The following USB1 variants were observed in gnomAD, a reference collection of about 807,000 sequenced individuals.
The protein encoded by USB1 is U6 snRNA phosphodiesterase 1.
Under a neutral mutation model 29.9 loss-of-function variants are expected in USB1, and 21 were observed. The ratio of observed to expected loss-of-function variants is 0.70; its 90% confidence interval spans 0.50 to 1.01. The LOEUF is 1.01. Among genes scored for constraint, USB1 ranks in the 50% least tolerant of loss-of-function variants. The pLI is 0.00. For missense variants in USB1, 330 were observed against 347.1 expected, an observed-to-expected ratio of 0.95 and a Z score of 0.39; for synonymous variants, 143 against 134.9, an observed-to-expected ratio of 1.06 and a Z score of -0.42.
chr16:58,010,879 C>T, intron 3 of USB1: 1 of 642,674 alleles, frequency 1.6e-6, no homozygotes. Flanking sequence ...CCTGTAGTTC[C>T]AAATTTTTAC....
intron 3 of USB1, chr16:58,010,767 A>G (rs1963473659): frequency 1.9e-6 from 1 of 528,314 alleles, no homozygotes. Context: ...TGAGGTCTGG[A>G]AGGGTCCCGA....
chr16:58,019,151 C>T, intron 6 of USB1, 96 bp downstream of exon 6: 1 of 1,261,358 alleles, frequency 7.9e-7, no homozygotes, highest in South Asian at 1.3e-5. Context: ...AAACCTGAAT[C>T]CCTGGGAAAC....
At chr16:58,007,868 A>G (rs181959397) in intron 2 of USB1, among the ~76,000 whole-genome samples, 2,524 of 151,968 alleles carry the variant, frequency 0.017, 83 homozygotes, top group African/African-American at 0.057. Flanking sequence ...CTGTAATCCC[A>G]GCTACTCGGG....
chr16:58,001,344 G>A (rs1963179006), upstream of USB1: 4 of 954,586 alleles, frequency 4.2e-6, no homozygotes, highest in Non-Finnish European at 6.5e-6. Flanking sequence ...TGTCCTGCCG[G>A]GTTCCGCCCC....
intron 2 of USB1, among the ~76,000 whole-genome samples, chr16:58,009,502 G>A (rs1403255354): frequency 6.6e-6 from 1 of 151,942 alleles, no homozygotes; most frequent in African/African-American, 2.4e-5. Context: ...GGCGGATCAC[G>A]AGGTCAGGAG....
intron 3 of USB1, chr16:58,012,485 CTG>C (rs1963518351): frequency 8.5e-7 from 1 of 1,175,826 alleles, no homozygotes; most frequent in Non-Finnish European, 1.2e-6. Flanking sequence ...CACAGGCAGA[CTG>C]TTCACCATCT....
chr16:58,013,008 C>T lies in USB1; in HGVS notation c.450-1265C>T, dbSNP rs1963534013. On this transcript the variant is annotated intron_variant, in intron 3 of 6. Transcript: ENST00000219281. This position sits in a 1 kb window ranked among gnomAD's most constrained non-coding sequence, Gnocchi z 4.3. The stretch of plus-strand genomic sequence containing the variant: ...ACCTGGACCCCTGGGCTGGTTCCCT[C>T]TGAGGAAAGGATCTGTGTCATGAGT... 3 of 985,768 alleles carry T rather than the reference C, an allele frequency of 3.0e-6. No individual in the cohort carries two copies. The highest frequency in any genetic ancestry group is 3.6e-6 in the Non-Finnish European group (3 of 830,202). The allele number at this position is 985,768 out of a possible 1,614,324, so 61.1% of individuals were successfully genotyped here.
chr16:58,000,947 G>C (rs1488454606), upstream of USB1, among the ~76,000 whole-genome samples: 1 of 152,154 alleles, frequency 6.6e-6, no homozygotes, highest in Admixed American at 6.5e-5. The surrounding 1 kb of genome is among the most constrained non-coding windows in gnomAD (Gnocchi z 4.5). Context: ...CCCTCGGCCC[G>C]GCTCTGCGCA....
chr16:58,012,231 C>A, intron 3 of USB1: 1 of 1,525,716 alleles, frequency 6.6e-7, no homozygotes, highest in South Asian at 1.2e-5. Context: ...GGCTGAAACT[C>A]ATCTCTCAAC....
At chr16:58,017,514 T>C in intron 5 of USB1, 75 bp downstream of exon 5, 1 of 1,402,408 alleles carries the variant, frequency 7.1e-7, no homozygotes, top group South Asian at 1.2e-5. Flanking sequence ...GAAGCCCTCG[T>C]AAGAGGCAAA....
intron 5 of USB1, 85 bp from the exon 6 acceptor site, chr16:58,018,887 A>C: frequency 7.3e-7 from 1 of 1,376,156 alleles, no homozygotes; most frequent in Non-Finnish European, 1.0e-6. Context: ...CAGGGATGTC[A>C]CGACAGCTCT....
At chr16:58,010,370 G>A (rs965237858) in intron 3 of USB1, among the ~76,000 whole-genome samples, 1 of 152,124 alleles carries the variant, frequency 6.6e-6, no homozygotes, top group African/African-American at 2.4e-5. Context: ...AGTACTTCCA[G>A]CACTTCTGTG....
Position 58,019,104 on chromosome 16 carries a change from C to T in USB1, c.693+49C>T, listed in dbSNP as rs376682380. 1.1e-5 allele frequency: 18 copies of T among 1,585,364 alleles called. No individual in the cohort carries two copies. In the East Asian group the frequency reaches 3.8e-4, roughly 34 times the overall value. On this transcript the variant is annotated intron_variant, in intron 6 of 6. Transcript: ENST00000219281. ...AGAGGGCGCTGAACTCCAGAAATGA[C>T]AGGACAGATGCTGGAGAGGGGGAGG...
intron 6 of USB1, 115 bp from the exon 7 acceptor site, chr16:58,020,026 T>C: frequency 1.1e-6 from 1 of 923,588 alleles, no homozygotes; most frequent in Admixed American, 1.9e-5. Context: ...GCCTGGAGCC[T>C]GCAGCCTCAG....
chr16:58,017,365 C>A lies in USB1; in HGVS notation c.535C>A (p.His179Asn). 5.0e-6 allele frequency: 8 copies of A among 1,614,220 alleles called. No homozygotes were observed. Among genetic ancestry groups the A allele is most frequent in the Non-Finnish European group, 6.8e-6 (8 of 1,180,038 alleles). ...TATTGGGCTTGAGGTCACTTCAGGG[C>A]ATGCCCAGTTCCTGGACCTGGTTTC... ...TFIGLEVTSG[H>N]AQFLDLVSEV... The change falls in exon 5 of 7, where the codon CAT becomes AAT. Residue 179 changes from histidine to asparagine, a missense_variant. Coordinates refer to ENST00000219281, the MANE Select transcript of USB1 (RefSeq NM_024598.4).
intron 2 of USB1, 150 bp downstream of exon 2, chr16:58,002,795 G>C (rs1374106111): frequency 4.8e-5 from 56 of 1,171,358 alleles, no homozygotes; most frequent in Non-Finnish European, 5.7e-5. Flanking sequence ...GAAAGAGCAG[G>C]TTTCAAGAAC....
chr16:58,007,898 G>T (rs918814692), intron 2 of USB1, among the ~76,000 whole-genome samples: 3 of 152,026 alleles, frequency 2.0e-5, no homozygotes, highest in Non-Finnish European at 4.4e-5. Flanking sequence ...CAGGAGAATC[G>T]CTTGAACCTG....
intron 4 of USB1, 121 bp from the exon 5 acceptor site, chr16:58,017,213 G>A: frequency 1.2e-6 from 1 of 829,328 alleles, no homozygotes. Context: ...GAGTGTACCA[G>A]GGAGACGGTG....
intron 3 of USB1, chr16:58,012,009 T>G: frequency 3.5e-6 from 4 of 1,158,886 alleles, no homozygotes; most frequent in Non-Finnish European, 4.3e-6. Flanking sequence ...TCAAATGAGG[T>G]GTTGCACAAA....
Sources: gnomAD v4.1 joint callset for allele counts (sites outside exome capture counted in the v4.1 genomes callset) on GRCh38, gnomAD v4.1.1 for gene constraint, Gnocchi (gnomAD v3.1) non-coding constraint, MANE v1.5 for transcripts, NCBI Gene and HGNC (gene_info 2026-07-23, HGNC 2026-07-21) for gene names.